Variants in CNTNAP5 observed in about 807,000 individuals in gnomAD.
The protein encoded by CNTNAP5 is contactin associated protein family member 5, also known as contactin-associated protein-like 5.
A neutral mutation model predicts 150.2 loss-of-function variants in CNTNAP5; 72 were observed. That is an observed-to-expected ratio of 0.48 (90% CI 0.40 to 0.58). The LOEUF is 0.58. Ranked by LOEUF, CNTNAP5 falls within the 20% of genes least tolerant of loss-of-function variation. CNTNAP5 has a pLI of 0.00. For synonymous variants in CNTNAP5, 672 were observed against 619.8 expected, an observed-to-expected ratio of 1.08 and a Z score of -1.25; for missense variants, 1,636 against 1,626.2, an observed-to-expected ratio of 1.01 and a Z score of -0.10.
chr2:124,404,174 C>T (rs919093192), intron 3 of CNTNAP5, among the ~76,000 whole-genome samples: 9 of 152,220 alleles, frequency 5.9e-5, no homozygotes, highest in Admixed American at 4.6e-4. Context: ...GTGTGTTTGG[C>T]AGAGCACCAG....
At chr2:124,499,577 C>A (rs912675509) in intron 7 of CNTNAP5, among the ~76,000 whole-genome samples, 2 of 152,184 alleles carry the variant, frequency 1.3e-5, no homozygotes, top group Non-Finnish European at 2.9e-5. Context: ...GTGCCGATGA[C>A]GAGGGACACA....
At chr2:124,714,253 T>C (rs1025433215) in intron 13 of CNTNAP5, among the ~76,000 whole-genome samples, 7 of 152,136 alleles carry the variant, frequency 4.6e-5, no homozygotes, top group Non-Finnish European at 1.5e-5. Context: ...TGAATCTTGG[T>C]ATAAACACTG....
At chr2:124,694,611 A>G (rs1679367125) in intron 13 of CNTNAP5, among the ~76,000 whole-genome samples, 1 of 152,210 alleles carries the variant, frequency 6.6e-6, no homozygotes, top group African/African-American at 2.4e-5. Flanking sequence ...ATGTTTAATA[A>G]CAAGGTCTCC....
At chr2:124,516,664 G>T (rs1694726009) in intron 8 of CNTNAP5, among the ~76,000 whole-genome samples, 1 of 152,190 alleles carries the variant, frequency 6.6e-6, no homozygotes, top group Admixed American at 6.5e-5. Flanking sequence ...TGGCTGTCAT[G>T]GCCTAGGGTA....
At position 124,773,035 on chromosome 2, in the gene CNTNAP5, G is replaced by C. The variant is rs767634999; in HGVS notation, c.2752+18G>C. 2.5e-6 allele frequency: 4 copies of C among 1,603,062 alleles called. No individual in the cohort carries two copies. The highest frequency in any genetic ancestry group is 2.1e-4 in the Middle Eastern group (1 of 4,694). The stretch of plus-strand genomic sequence containing the variant: ...GTTTGTAGGTAGGGGACATCTTAAG[G>C]CTCCTTTTGTGCTAAACCCTGCAAG... On this transcript the variant is annotated intron_variant, in intron 17 of 23. Coordinates refer to ENST00000682447, the MANE Select transcript of CNTNAP5 (RefSeq NM_001367498.1).
At chr2:124,730,512 C>T (rs911213007) in intron 13 of CNTNAP5, among the ~76,000 whole-genome samples, 1 of 151,980 alleles carries the variant, frequency 6.6e-6, no homozygotes, top group African/African-American at 2.4e-5. Flanking sequence ...TTCTTCTCTA[C>T]CTTTTATGAT....
intron 10 of CNTNAP5, among the ~76,000 whole-genome samples, chr2:124,534,905 G>A (rs1695194493): frequency 6.6e-6 from 1 of 152,014 alleles, no homozygotes; most frequent in Admixed American, 6.6e-5. Flanking sequence ...CTAATCTCTT[G>A]GGAATGCAGT....
At chr2:124,665,010 C>T (rs1678669237) in intron 13 of CNTNAP5, among the ~76,000 whole-genome samples, 1 of 152,138 alleles carries the variant, frequency 6.6e-6, no homozygotes, top group South Asian at 2.1e-4. Context: ...CTACCGTGTG[C>T]TCAGAAGGTG....
At chr2:124,601,142 C>A (rs180972354) in intron 11 of CNTNAP5, among the ~76,000 whole-genome samples, 11 of 151,930 alleles carry the variant, frequency 7.2e-5, no homozygotes, top group African/African-American at 2.4e-4. Flanking sequence ...AAACACAATT[C>A]CTAAAACTGA....
chr2:124,803,735 C>T lies in CNTNAP5; in HGVS notation c.3217+5415C>T, dbSNP rs572005570. 3.2e-4 allele frequency among the ~76,000 whole-genome samples: 48 copies of T among 152,290 alleles called. 1 individual carries two copies. The South Asian group carries it at 9.9e-3, about 32-fold the overall frequency. On this transcript the variant is annotated intron_variant, in intron 19 of 23. Coordinates refer to ENST00000682447, the MANE Select transcript of CNTNAP5 (RefSeq NM_001367498.1). ...ACTGCGACATTTTATATTTTGAGCACACTAACTCAAGGGAGGCAAGAATAA... is the reference window on the plus strand; with the variant it reads ...ACTGCGACATTTTATATTTTGAGCATACTAACTCAAGGGAGGCAAGAATAA...
chr2:124,856,767 A>C (rs970712173), intron 19 of CNTNAP5, among the ~76,000 whole-genome samples: 3 of 152,146 alleles, frequency 2.0e-5, no homozygotes, highest in Admixed American at 6.5e-5. Flanking sequence ...AACATATCCT[A>C]CTTCAGGAGG....
intron 6 of CNTNAP5, among the ~76,000 whole-genome samples, chr2:124,462,866 A>G (rs922348988): frequency 6.6e-6 from 1 of 152,182 alleles, no homozygotes; most frequent in African/African-American, 2.4e-5. Flanking sequence ...CCCATACCCC[A>G]CAGGTCAAAG....
intron 10 of CNTNAP5, among the ~76,000 whole-genome samples, chr2:124,562,318 A>G (rs1695911343): frequency 1.3e-5 from 2 of 150,310 alleles, no homozygotes; most frequent in East Asian, 1.9e-4. Context: ...TCCTGTTATA[A>G]TCATGTTTGT....
intron 1 of CNTNAP5, among the ~76,000 whole-genome samples, chr2:124,191,484 T>C (rs1685455727): frequency 6.6e-6 from 1 of 152,110 alleles, no homozygotes; most frequent in Admixed American, 6.5e-5. Context: ...ACTTCCAAAT[T>C]ATATATTATA....
intron 10 of CNTNAP5, among the ~76,000 whole-genome samples, chr2:124,533,007 G>A (rs375787460): frequency 7.2e-5 from 11 of 152,168 alleles, no homozygotes; most frequent in African/African-American, 2.4e-4. Context: ...AGTTTCTGGG[G>A]TGATTCCCAT....
chr2:124,441,896 T>A (rs1692683651), intron 5 of CNTNAP5, among the ~76,000 whole-genome samples: 1 of 151,774 alleles, frequency 6.6e-6, no homozygotes, highest in African/African-American at 2.4e-5. Flanking sequence ...AAATGAACAA[T>A]GTAAACAAGG....
At chr2:124,549,269 C>A (rs947113798) in intron 10 of CNTNAP5, among the ~76,000 whole-genome samples, 9 of 152,102 alleles carry the variant, frequency 5.9e-5, no homozygotes, top group African/African-American at 2.2e-4. Flanking sequence ...GTGGTAGTCT[C>A]CATTGGAAAA....
chr2:124,664,748 G>T (rs542803926), intron 13 of CNTNAP5, among the ~76,000 whole-genome samples: 2 of 152,206 alleles, frequency 1.3e-5, no homozygotes, highest in African/African-American at 4.8e-5. Flanking sequence ...GGACAATGGC[G>T]CAATCTTGTC....
rs59689140 is a variant in CNTNAP5, at chr2:124,246,582, G to A, written c.381+4189G>A. 5.5e-3 allele frequency among the ~76,000 whole-genome samples: 844 copies of A among 152,238 alleles called. 6 individuals are homozygous for A. Among genetic ancestry groups the A allele is most frequent in the African/African-American group, 0.013 (555 of 41,554 alleles). On this transcript the variant is annotated intron_variant, in intron 3 of 23. Transcript: ENST00000682447. ...TTGGTAAAGTGGGTAAACTTGTTTG[G>A]AACAAAGGAACCTCTTAACTAAGTC...
Sources: gnomAD v4.1 joint callset for allele counts (sites outside exome capture counted in the v4.1 genomes callset) on GRCh38, gnomAD v4.1.1 for gene constraint, MANE v1.5 for transcripts, NCBI Gene and HGNC (gene_info 2026-07-23, HGNC 2026-07-21) for gene names.